Variants in USP34 observed in about 807,000 individuals in gnomAD.
USP34 encodes the protein ubiquitin carboxyl-terminal hydrolase 34.
In USP34, 70 loss-of-function variants were observed where a neutral mutation model predicts 460.3. The ratio of observed to expected loss-of-function variants is 0.15; its 90% CI spans 0.13 to 0.19. The LOEUF (loss-of-function observed/expected upper bound fraction) is 0.19. Ranked by LOEUF, USP34 falls within the 10% of genes least tolerant of loss-of-function variation. The pLI is 1.00. For synonymous variants in USP34, 1,647 were observed against 1,405.3 expected (o/e 1.17, Z -3.85); for missense variants, 3,985 against 4,236.2 (o/e 0.94, Z 1.65).
At chr2:61,356,417 A>G (rs968809293) in intron 10 of USP34, among the ~76,000 whole-genome samples, 2 of 151,868 alleles carry the variant, frequency 1.3e-5, no homozygotes, top group Non-Finnish European at 2.9e-5. Context: ...TTAATCCTGG[A>G]AGGTCAAGGT....
At chr2:61,206,427 A>G (rs929097509) in intron 71 of USP34, among the ~76,000 whole-genome samples, 13 of 152,202 alleles carry the variant, frequency 8.5e-5, no homozygotes, top group Non-Finnish European at 1.6e-4. Context: ...TCTCGCATGA[A>G]ACTGCAAATG....
intron 3 of USP34, among the ~76,000 whole-genome samples, chr2:61,396,413 T>A (rs2034311): frequency 0.14 from 21,069 of 152,170 alleles, 1,694 homozygotes; most frequent in South Asian, 0.35. Context: ...CGCATAACGA[T>A]GCTCATTAAC....
chr2:61,413,538 C>T lies in USP34; in HGVS notation c.131+7208G>A, dbSNP rs561656324. ...CCTGGGCAACATGGGGAAACCCCGT[C>T]TCTACTAGATACTCAGGAGGCTGAG... On this transcript the variant is annotated intron_variant, in intron 2 of 79. Transcript: ENST00000398571. Among the ~76,000 whole-genome samples the T allele has an allele frequency of 6.4e-5, 9 of 141,078 alleles. 1 individual carries two copies. Among genetic ancestry groups the T allele is most frequent in the Middle Eastern group, 4.5e-3 (1 of 222 alleles). 92.6% of individuals were successfully genotyped at this position (141,078 alleles called of 152,430 possible).
chr2:61,281,613 A>G (rs1005691061), intron 37 of USP34, among the ~76,000 whole-genome samples: 3 of 152,248 alleles, frequency 2.0e-5, no homozygotes, highest in Non-Finnish European at 4.4e-5. Context: ...CCTCATAAAA[A>G]TAATTAATAA....
chr2:61,266,423 T>C (rs931919594), intron 41 of USP34, among the ~76,000 whole-genome samples: 13 of 152,216 alleles, frequency 8.5e-5, no homozygotes, highest in Admixed American at 5.2e-4. Flanking sequence ...ATGTTGTTAT[T>C]TTCTATTCCA....
intron 1 of USP34, among the ~76,000 whole-genome samples, chr2:61,440,693 T>C (rs1694938792): frequency 6.6e-6 from 1 of 151,758 alleles, no homozygotes; most frequent in African/African-American, 2.4e-5. Context: ...ACTTTTTGTA[T>C]TTTTAGTAGA....
chr2:61,466,245 T>C (rs1695759136), intron 1 of USP34, among the ~76,000 whole-genome samples: 1 of 151,116 alleles, frequency 6.6e-6, no homozygotes, highest in Non-Finnish European at 1.5e-5. Context: ...GCCAACGTGG[T>C]GAAACCCCAT....
At chr2:61,340,647 G>C (rs1205028887) in intron 16 of USP34, among the ~76,000 whole-genome samples, 2 of 151,882 alleles carry the variant, frequency 1.3e-5, no homozygotes, top group Admixed American at 6.6e-5. Flanking sequence ...ATCTCATTGA[G>C]GTTTTTAATT....
rs554812329 is a variant in USP34, at chr2:61,388,276, A to G, written c.754-4940T>C. ...AATAAAATCACAATGAGCTACTACTATAAATCCATTAGAAATCTATAAAAA... is the reference window on the plus strand; with the variant it reads ...AATAAAATCACAATGAGCTACTACTGTAAATCCATTAGAAATCTATAAAAA... On this transcript the variant is annotated intron_variant, in intron 5 of 79. Transcript: ENST00000398571. Among the ~76,000 whole-genome samples, 7 of 152,164 alleles carry G rather than the reference A, an allele frequency of 4.6e-5. No individual in the cohort carries two copies. The South Asian group carries it at 1.5e-3, about 32-fold the overall frequency.
chr2:61,392,103 T>C (rs1186659266), intron 5 of USP34, among the ~76,000 whole-genome samples: 2 of 152,170 alleles, frequency 1.3e-5, no homozygotes, highest in Non-Finnish European at 2.9e-5. Flanking sequence ...AATCTAAGCC[T>C]AAACCTTTGT....
Position 61,235,836 on chromosome 2 carries a change from T to C in USP34, c.7032+9A>G. ...AAACTATGCATTAGTTGTTGAATTATCACCTTACCTCACAAGCTGCCTGAC... is the reference window on the plus strand; with the variant it reads ...AAACTATGCATTAGTTGTTGAATTACCACCTTACCTCACAAGCTGCCTGAC... On this transcript the variant is annotated intron_variant, in intron 57 of 79. Coordinates refer to ENST00000398571, the MANE Select transcript of USP34 (RefSeq NM_014709.4). 6.2e-7 allele frequency: 1 copy of C among 1,610,662 alleles called. No individual in the cohort carries two copies. Among genetic ancestry groups the C allele is most frequent in the Non-Finnish European group, 8.5e-7 (1 of 1,179,086 alleles).
chr2:61,317,763 G>C lies in USP34; in HGVS notation c.3173C>G (p.Pro1058Arg). 6.2e-7 allele frequency: 1 copy of C among 1,613,150 alleles called. No individual in the cohort carries two copies. Among genetic ancestry groups the C allele is most frequent in the Non-Finnish European group, 8.5e-7 (1 of 1,179,550 alleles). Residue 1058 changes from proline (P) to arginine (R), a missense_variant, in exon 23 of 80, where the codon CCC becomes CGC. By Grantham distance (103) the Pro-to-Arg change is moderately radical. This residue lies in a region of USP34 where 1,114 missense variants were observed against 1,122.5 expected (regional missense o/e 0.99). Coordinates refer to ENST00000398571, the MANE Select transcript of USP34 (RefSeq NM_014709.4). Reference sequence around the variant, plus strand: ...GCTAATTGTTTCAGGTTTTAGCTGGGGCATCTTTGGAAGGGTAGGGGGAAA... The same window carrying C: ...GCTAATTGTTTCAGGTTTTAGCTGGCGCATCTTTGGAAGGGTAGGGGGAAA... ...TYKHLFLEKM[P>R]QLKPETISMT...
intron 59 of USP34, 38 bp from the exon 60 acceptor site, chr2:61,229,033 G>T: frequency 1.4e-6 from 2 of 1,452,678 alleles, no homozygotes; most frequent in Non-Finnish European, 1.8e-6. Flanking sequence ...GAATGTATGA[G>T]GTCTGGAAAT....
intron 48 of USP34, among the ~76,000 whole-genome samples, chr2:61,253,346 A>G (rs1255164287): frequency 6.6e-6 from 1 of 152,172 alleles, no homozygotes; most frequent in Non-Finnish European, 1.5e-5. Flanking sequence ...ACCCTTGATG[A>G]TCTTTTGGTG....
intron 35 of USP34, among the ~76,000 whole-genome samples, chr2:61,284,392 G>A (rs1482868386): frequency 6.6e-6 from 1 of 152,092 alleles, no homozygotes; most frequent in Non-Finnish European, 1.5e-5. Flanking sequence ...GGCTGAGAAA[G>A]TTATCTCTGA....
chr2:61,294,460 C>T (rs1299091558), intron 32 of USP34, among the ~76,000 whole-genome samples: 4 of 151,672 alleles, frequency 2.6e-5, no homozygotes, highest in African/African-American at 4.8e-5. Flanking sequence ...TTTTTGCTGC[C>T]CAGGCTGGAG....
At chr2:61,219,054 A>AG (rs1397567259) in intron 67 of USP34, among the ~76,000 whole-genome samples, 5 of 152,132 alleles carry the variant, frequency 3.3e-5, no homozygotes, top group African/African-American at 1.2e-4. Flanking sequence ...TTTGTATGGG[A>AG]GATTTGTTTA....
At chr2:61,284,675 C>G (rs938114138) in intron 35 of USP34, among the ~76,000 whole-genome samples, 200 bp downstream of exon 35, 1 of 152,066 alleles carries the variant, frequency 6.6e-6, no homozygotes, top group Non-Finnish European at 1.5e-5. Context: ...TGTAAACACA[C>G]AGAAAATACG....
intron 2 of USP34, among the ~76,000 whole-genome samples, chr2:61,412,023 C>T (rs1319956987): frequency 1.3e-5 from 2 of 151,624 alleles, no homozygotes; most frequent in Non-Finnish European, 2.9e-5. Context: ...AACCCCGTCT[C>T]CACTAAAAAT....
Sources: gnomAD v4.1 joint callset for allele counts (sites outside exome capture counted in the v4.1 genomes callset) on GRCh38, gnomAD v4.1.1 for gene constraint, gnomAD v4.1.1 regional missense constraint, MANE v1.5 for transcripts, NCBI Gene and HGNC (gene_info 2026-07-23, HGNC 2026-07-21) for gene names.